The following NLRP14 variants were observed in gnomAD, a reference collection of about 807,000 sequenced individuals.
NLRP14 encodes NACHT, LRR and PYD domains-containing protein 14.
In NLRP14, 105 loss-of-function variants were observed where a neutral mutation model predicts 94.7. That is an observed-to-expected ratio of 1.11 (90% confidence interval 0.95 to 1.30). The LOEUF (loss-of-function observed/expected upper bound fraction) is 1.30. NLRP14 is among the 50% of genes most tolerant of loss of function. The pLI, the probability that NLRP14 is intolerant of heterozygous loss-of-function variation, is 0.00. For synonymous variants in NLRP14, 508 were observed against 459.9 expected, an observed-to-expected ratio of 1.10 and a Z score of -1.34; for missense variants, 1,362 against 1,254.1, an observed-to-expected ratio of 1.09 and a Z score of -1.30.
At chr11:7,089,186 A>C in the NLRP14 span, 1 of 1,613,994 alleles carries the variant, frequency 6.2e-7, no homozygotes, top group Non-Finnish European at 8.5e-7. Flanking sequence ...CCGACGAGAA[A>C]GCCCTCGAAG....
Position 7,056,959 on chromosome 11 carries a change from C to G in NLRP14, c.2292-718C>G, listed in dbSNP as rs769201533. Among the ~76,000 whole-genome samples, 306 of 151,882 alleles carry G rather than the reference C, an allele frequency of 2.0e-3. 2 individuals carry two copies. The highest frequency in any genetic ancestry group is 3.2e-3 in the Non-Finnish European group (218 of 67,860). ...CCTCTATAGACCCTGATTTTGATGACGAGAAACAATTCTTGAGTGACTCAA... is the reference window on the plus strand; with the variant it reads ...CCTCTATAGACCCTGATTTTGATGAGGAGAAACAATTCTTGAGTGACTCAA... On this transcript the variant is annotated intron_variant, in intron 6 of 11. Coordinates refer to ENST00000299481, the MANE Select transcript of NLRP14 (RefSeq NM_176822.4).
chr11:7,030,633 C>G (rs985044038), intron 1 of NLRP14, among the ~76,000 whole-genome samples: 2 of 151,972 alleles, frequency 1.3e-5, no homozygotes, highest in Admixed American at 6.6e-5. Flanking sequence ...AATGTAAGCT[C>G]CATGGAGGTA....
Position 7,070,295 on chromosome 11 carries a change from C to T in NLRP14, c.2985C>T (p.Tyr995=). The stretch of plus-strand genomic sequence containing the variant: ...TCTCTCTTCTCTACAGGTTGGAATA[C>T]TGTGGTTTGACATCTCTCTGCTGTC... ...NCNIQRLGLE[Y]CGLTSLCCQD... The change falls in exon 11 of 12, where the codon TAC becomes TAT. Residue 995 remains tyrosine (Y), a synonymous_variant. Coordinates refer to ENST00000299481, the MANE Select transcript of NLRP14 (RefSeq NM_176822.4). The T allele has an allele frequency of 6.2e-7, 1 of 1,609,718 alleles. No individual in the cohort carries two copies. The highest frequency in any genetic ancestry group is 8.5e-7 in the Non-Finnish European group (1 of 1,176,462).
downstream of NLRP14, among the ~76,000 whole-genome samples, chr11:7,072,869 GAT>G (rs1274624206): frequency 3.3e-5 from 5 of 152,154 alleles, no homozygotes; most frequent in South Asian, 1.0e-3. Context: ...GTCTCAGAGA[GAT>G]AGTTTTATGC....
chr11:7,053,090 A>G (rs1852465657), intron 6 of NLRP14, among the ~76,000 whole-genome samples: 1 of 152,224 alleles, frequency 6.6e-6, no homozygotes, highest in Non-Finnish European at 1.5e-5. Context: ...ATTGATTATG[A>G]GACAGTATAT....
At chr11:7,040,490 C>T (rs1215654930) in intron 3 of NLRP14, among the ~76,000 whole-genome samples, 2 of 152,162 alleles carry the variant, frequency 1.3e-5, no homozygotes, top group Non-Finnish European at 2.9e-5. Context: ...CCCTGCCACC[C>T]CTGCCTCCTA....
At chr11:7,052,019 T>G (rs1852448030) in intron 6 of NLRP14, among the ~76,000 whole-genome samples, 1 of 152,206 alleles carries the variant, frequency 6.6e-6, no homozygotes, top group African/African-American at 2.4e-5. Context: ...CTTGATAATT[T>G]TTTTCCACAT....
chr11:7,047,388 A>T (rs1194340068), intron 5 of NLRP14, among the ~76,000 whole-genome samples: 1 of 151,700 alleles, frequency 6.6e-6, no homozygotes, highest in African/African-American at 2.4e-5. Flanking sequence ...TATCGCAGCT[A>T]GAACTCCTGG....
intron 3 of NLRP14, among the ~76,000 whole-genome samples, chr11:7,041,102 A>G (rs934080320): frequency 1.6e-4 from 25 of 152,192 alleles, no homozygotes; most frequent in African/African-American, 6.0e-4. Flanking sequence ...GAGTATACCA[A>G]TATCACACTG....
intron 3 of NLRP14, among the ~76,000 whole-genome samples, chr11:7,040,029 G>A (rs771476685): frequency 1.3e-4 from 20 of 152,154 alleles, no homozygotes; most frequent in African/African-American, 4.1e-4. Context: ...AAGGGCTGAC[G>A]CACAAAGGTA....
chr11:7,071,817 T>C (rs556733313), downstream of NLRP14, among the ~76,000 whole-genome samples: 30 of 152,092 alleles, frequency 2.0e-4, no homozygotes, highest in Admixed American at 5.9e-4. Context: ...TGCTACCAGC[T>C]AGCAACCAGC....
intron 4 of NLRP14, among the ~76,000 whole-genome samples, chr11:7,045,223 A>G (rs996790524): frequency 5.3e-5 from 8 of 152,214 alleles, no homozygotes; most frequent in African/African-American, 1.9e-4. Flanking sequence ...AATTGTGAGT[A>G]ATCGTCAGTC....
chr11:7,066,042 C>A (rs1297427603), intron 10 of NLRP14, among the ~76,000 whole-genome samples: 7 of 152,106 alleles, frequency 4.6e-5, no homozygotes, highest in Non-Finnish European at 8.8e-5. Flanking sequence ...ATGAACTCAT[C>A]CTTTTTTATG....
chr11:7,090,068 C>T, the NLRP14 span: 4 of 1,612,904 alleles, frequency 2.5e-6, no homozygotes, highest in Middle Eastern at 1.7e-4. Context: ...GCTACTCACC[C>T]GATGCCTACA....
chr11:7,062,297 T>G, intron 9 of NLRP14, 36 bp from the exon 10 acceptor site: 3 of 1,574,852 alleles, frequency 1.9e-6, no homozygotes, highest in Non-Finnish European at 1.7e-6. Context: ...AACCTCACAA[T>G]GGAAGGATTC....
At chr11:7,087,834 G>A in the NLRP14 span, among the ~76,000 whole-genome samples, 3 of 152,116 alleles carry the variant, frequency 2.0e-5, no homozygotes, top group Non-Finnish European at 2.9e-5. Context: ...CAAAAGTACC[G>A]AAAGTTATAA....
rs751702909 is a variant in NLRP14, at chr11:7,043,130, C to A, written c.1104C>A (p.Val368=). The change falls in exon 4 of 12, where the codon GTC becomes GTA. Residue 368 remains valine (V), a synonymous_variant. Transcript: ENST00000299481. ...AGATGCTGTTTAGCATGTGCCAAGT[C>A]CCCCTAGTGTGCTGGGCCGCTTGTA... The part of the protein sequence containing the change: ...SNEMLFSMCQ[V]PLVCWAACTC... 2.5e-6 allele frequency: 4 copies of A among 1,613,970 alleles called. No homozygotes were observed. The highest frequency in any genetic ancestry group is 1.1e-5 in the South Asian group (1 of 91,078).
chr11:7,085,336 A>G, the NLRP14 span, among the ~76,000 whole-genome samples: 1 of 152,216 alleles, frequency 6.6e-6, no homozygotes, highest in Non-Finnish European at 1.5e-5. Flanking sequence ...AATCCCCAGA[A>G]CTTTTTCATC....
the NLRP14 span, among the ~76,000 whole-genome samples, chr11:7,080,900 T>C: frequency 6.6e-6 from 1 of 152,090 alleles, no homozygotes; most frequent in African/African-American, 2.4e-5. Context: ...TATATTGGTT[T>C]TAGGGTGAGG....
Sources: allele counts gnomAD v4.1 joint callset (sites outside exome capture counted in the v4.1 genomes callset), GRCh38; gene constraint gnomAD v4.1.1; transcripts MANE v1.5; gene names NCBI Gene and HGNC (gene_info 2026-07-23, HGNC 2026-07-21).